Variants in NTN1 observed in about 807,000 individuals in gnomAD.
NTN1 encodes netrin 1.
In NTN1, 11 loss-of-function variants were observed where a neutral mutation model predicts 54.2. The ratio of observed to expected loss-of-function variants is 0.20; its 90% CI spans 0.13 to 0.34. The LOEUF is 0.34. NTN1 is among the 10% of genes least tolerant of loss of function. The probability of loss-of-function intolerance (pLI) is 1.00; values close to 1 mark genes in which losing one functional copy is unlikely to be tolerated. For missense variants in NTN1, 740 were observed against 893.1 expected, an observed-to-expected ratio of 0.83 and a Z score of 2.18; for synonymous variants, 371 against 382.0, an observed-to-expected ratio of 0.97 and a Z score of 0.33.
At chr17:9,014,802 C>T in the NTN1 span, among the ~76,000 whole-genome samples, 1 of 152,224 alleles carries the variant, frequency 6.6e-6, no homozygotes, top group Non-Finnish European at 1.5e-5. Flanking sequence ...AGCTCATACT[C>T]TTGGTAGACC....
chr17:9,039,173 A>C (rs1184839177), intron 2 of NTN1, among the ~76,000 whole-genome samples: 1 of 152,048 alleles, frequency 6.6e-6, no homozygotes, highest in Non-Finnish European at 1.5e-5. Flanking sequence ...TTCAGTATTC[A>C]CTCATTATTC....
chr17:9,188,044 TTGGGTGATGAAAACGTCC>T (rs1385202292), intron 5 of NTN1, among the ~76,000 whole-genome samples: 2 of 152,182 alleles, frequency 1.3e-5, no homozygotes, highest in Non-Finnish European at 2.9e-5. Context: ...GTTTTCCTTT[TTGGGTGATGAAAACGTCC>T]TGGAACTTGA....
intron 2 of NTN1, among the ~76,000 whole-genome samples, chr17:9,056,150 G>A (rs962756598): frequency 2.0e-5 from 3 of 151,962 alleles, no homozygotes; most frequent in East Asian, 1.9e-4. Context: ...TCCGCCTCCC[G>A]GGTTCAAGCA....
At position 9,128,119 on chromosome 17, in the gene NTN1, AAAATAAATAAAT is replaced by A. The variant is rs57255280; in HGVS notation, c.1019-34675_1019-34664del. On this transcript the variant is annotated intron_variant, in intron 2 of 6. Coordinates refer to ENST00000173229, the MANE Select transcript of NTN1 (RefSeq NM_004822.3). ...GTGACAGAGCAAGACTCCGTCTCGA[AAAATAAATAAAT>A]AAATAAATAAATAAATAATAATAAT... Among the ~76,000 whole-genome samples, 11 of 149,610 alleles carry A rather than the reference AAAATAAATAAAT, an allele frequency of 7.4e-5. No individual in the cohort carries two copies. In the East Asian group the frequency reaches 9.8e-4, roughly 13 times the overall value.
intron 2 of NTN1, among the ~76,000 whole-genome samples, chr17:9,037,869 G>C (rs1246995329): frequency 6.6e-6 from 1 of 152,124 alleles, no homozygotes; most frequent in Non-Finnish European, 1.5e-5. Flanking sequence ...AGAGGTAACT[G>C]CCTGTGTGTT....
upstream of NTN1, among the ~76,000 whole-genome samples, chr17:9,017,977 T>C (rs2091835271): frequency 6.6e-6 from 1 of 152,168 alleles, no homozygotes. Flanking sequence ...TGAGGGATGA[T>C]AGAGGACTGG....
intron 2 of NTN1, among the ~76,000 whole-genome samples, chr17:9,104,042 T>C (rs2092158243): frequency 7.7e-6 from 1 of 129,874 alleles, no homozygotes; most frequent in South Asian, 2.5e-4. Context: ...TGAGCTAAGA[T>C]GGTGCCACTG....
intron 2 of NTN1, among the ~76,000 whole-genome samples, chr17:9,037,616 G>A (rs2091907395): frequency 6.6e-6 from 1 of 152,070 alleles, no homozygotes; most frequent in African/African-American, 2.4e-5. Context: ...TCCCAGGCCT[G>A]GGGTTTATTT....
intron 2 of NTN1, among the ~76,000 whole-genome samples, chr17:9,086,481 CTA>C (rs2092090367): frequency 6.6e-6 from 1 of 152,142 alleles, no homozygotes; most frequent in Non-Finnish European, 1.5e-5. Flanking sequence ...GGCACTCACT[CTA>C]GAGGGGAATG....
chr17:9,216,038 A>G (rs1044405306), intron 5 of NTN1, among the ~76,000 whole-genome samples: 1 of 152,216 alleles, frequency 6.6e-6, no homozygotes, highest in African/African-American at 2.4e-5. Flanking sequence ...ACAGCTCACT[A>G]CAATCTCAAA....
intron 1 of NTN1, among the ~76,000 whole-genome samples, chr17:9,022,008 G>A (rs2091850468): frequency 6.6e-6 from 1 of 152,132 alleles, no homozygotes; most frequent in Non-Finnish European, 1.5e-5. Context: ...AACTTGGGGT[G>A]CGAGGGGGGC....
chr17:9,236,077 ACTT>A (rs1216655442), intron 6 of NTN1, among the ~76,000 whole-genome samples: 6 of 146,424 alleles, frequency 4.1e-5, no homozygotes, highest in Admixed American at 1.4e-4. Flanking sequence ...CAAAGACCCT[ACTT>A]CTTAATATTC....
chr17:9,112,712 C>G (rs1204624702), intron 2 of NTN1, among the ~76,000 whole-genome samples: 1 of 151,374 alleles, frequency 6.6e-6, no homozygotes, highest in Non-Finnish European at 1.5e-5. Flanking sequence ...GTAGTCCCAG[C>G]TACTCGGGAG....
At chr17:9,151,488 C>T (rs1240612747) in intron 2 of NTN1, among the ~76,000 whole-genome samples, 1 of 152,152 alleles carries the variant, frequency 6.6e-6, no homozygotes, top group Non-Finnish European at 1.5e-5. Flanking sequence ...TTCCCACTTT[C>T]TTTCATTTTT....
intron 2 of NTN1, among the ~76,000 whole-genome samples, chr17:9,050,524 G>A (rs1196579894): frequency 6.6e-6 from 1 of 151,822 alleles, no homozygotes; most frequent in Non-Finnish European, 1.5e-5. Context: ...ACAAAAATTA[G>A]CCAGGCATGG....
chr17:9,090,802 G>A (rs1000740953), intron 2 of NTN1, among the ~76,000 whole-genome samples: 1 of 152,196 alleles, frequency 6.6e-6, no homozygotes. Context: ...GGGGCAGGGA[G>A]GCTGGCAGGG....
In NTN1 at chr17:9,135,154, CTCTACCCCATTCCTTTG is replaced by C. The variant is rs2092277230; in HGVS notation, c.1019-27655_1019-27639del. Among the ~76,000 whole-genome samples, 1 of 152,232 alleles carries C rather than the reference CTCTACCCCATTCCTTTG, an allele frequency of 6.6e-6. No individual in the cohort carries two copies. Among genetic ancestry groups the C allele is most frequent in the African/African-American group, 2.4e-5 (1 of 41,458 alleles). On this transcript the variant is annotated intron_variant, in intron 2 of 6. Coordinates refer to ENST00000173229, the MANE Select transcript of NTN1 (RefSeq NM_004822.3). The surrounding 1 kb of genome is among the most constrained non-coding windows in gnomAD (Gnocchi z 4.4). ...TGATGCTCCCGGCCCATCCTCCCTT[CTCTACCCCATTCCTTTG>C]TCTTTGCTCACCTTGCCAGTTCTTC...
the NTN1 span, among the ~76,000 whole-genome samples, chr17:9,012,734 T>G: frequency 2.6e-5 from 4 of 152,000 alleles, no homozygotes; most frequent in Non-Finnish European, 5.9e-5. Flanking sequence ...CACGTCCTGT[T>G]CCCTCCCCTG....
intron 2 of NTN1, among the ~76,000 whole-genome samples, chr17:9,091,687 A>C (rs368729441): frequency 3.1e-4 from 47 of 151,938 alleles, no homozygotes; most frequent in South Asian, 1.7e-3. Flanking sequence ...TCCCGACCTC[A>C]GGTGATCTGC....
Sources: gnomAD v4.1 joint callset for allele counts (sites outside exome capture counted in the v4.1 genomes callset) on GRCh38, gnomAD v4.1.1 for gene constraint, Gnocchi (gnomAD v3.1) non-coding constraint, MANE v1.5 for transcripts, NCBI Gene and HGNC (gene_info 2026-07-23, HGNC 2026-07-21) for gene names.